MICAL3: variants seen among roughly 807,000 people sequenced by gnomAD.
MICAL3 encodes microtubule associated monooxygenase, calponin and LIM domain containing 3.
A neutral mutation model predicts 207.4 loss-of-function variants in MICAL3; 62 were observed. The ratio of observed to expected loss-of-function variants is 0.30; its 90% CI spans 0.24 to 0.37. The LOEUF (loss-of-function observed/expected upper bound fraction) is 0.37. MICAL3 is among the 10% of genes least tolerant of loss of function. MICAL3 has a pLI of 1.00. For synonymous variants in MICAL3, 1,077 were observed against 1,069.3 expected, an observed-to-expected ratio of 1.01 and a Z score of -0.14; for missense variants, 2,368 against 2,635.6, an observed-to-expected ratio of 0.90 and a Z score of 2.22.
chr22:17,816,481 C>T (rs527538872), intron 27 of MICAL3, among the ~76,000 whole-genome samples: 3 of 152,258 alleles, frequency 2.0e-5, no homozygotes, highest in Non-Finnish European at 4.4e-5. Context: ...GAAGCCCTTG[C>T]TGTGGATGCC....
At chr22:17,972,495 G>C (rs763258241) in intron 1 of MICAL3, among the ~76,000 whole-genome samples, 1 of 152,162 alleles carries the variant, frequency 6.6e-6, no homozygotes, top group South Asian at 2.1e-4. Flanking sequence ...AAGGCACATC[G>C]GGGAGGGGTA....
At chr22:17,798,759 C>T (rs911258537) in intron 29 of MICAL3, among the ~76,000 whole-genome samples, 5 of 150,382 alleles carry the variant, frequency 3.3e-5, no homozygotes, top group East Asian at 2.0e-4. Flanking sequence ...CTGCAAGCTC[C>T]GCCTCCCGGG....
chr22:17,887,538 G>A, intron 13 of MICAL3, 103 bp from the exon 14 acceptor site: 1 of 682,682 alleles, frequency 1.5e-6, no homozygotes, highest in Admixed American at 2.8e-5. Flanking sequence ...AGCCTCAGAA[G>A]GCTCTAAAGG....
rs771086163 is a variant in MICAL3, at chr22:17,817,622, C to G, written c.5039G>C (p.Gly1680Ala). 5.6e-6 allele frequency: 9 copies of G among 1,613,200 alleles called. No homozygotes were observed. Among genetic ancestry groups the G allele is most frequent in the African/African-American group, 1.3e-5 (1 of 75,046 alleles). Reference protein sequence around the residue: ...EEVLSPPSDSGGPDGSFTSSE... With the variant: ...EEVLSPPSDSAGPDGSFTSSE... ...TGAAGTGAAAGAGCCATCTGGGCCC[C>G]CTGAGTCCGACGGCGGGGAGAGGAC... The change falls in exon 26 of 32, where the codon GGG (glycine) becomes GCG (alanine). Residue 1680 changes from glycine (G) to alanine (A), a missense_variant. By Grantham distance (60) the Gly-to-Ala change is moderately conservative (BLOSUM62 0). Transcript: ENST00000441493.
At position 17,821,507 on chromosome 22, in the gene MICAL3, G is replaced by C; in HGVS notation, c.3451C>G (p.Pro1151Ala). ...CGGATGGGGCTGGTGGCTTGGGAGGGACCTGAAAAGAATGAACACAGGGAC... is the reference window on the plus strand; with the variant it reads ...CGGATGGGGCTGGTGGCTTGGGAGGCACCTGAAAAGAATGAACACAGGGAC... ...PASPKHQERG[P>A]SQATSPIRSP... is the part of the protein sequence containing the mutation. The change falls in exon 25 of 32, where the codon CCC becomes GCC. Residue 1151 changes from proline (P) to alanine (A), a missense_variant and splice_region_variant. Coordinates refer to ENST00000441493, the MANE Select transcript of MICAL3 (RefSeq NM_015241.3). The C allele has an allele frequency of 6.5e-7, 1 of 1,538,256 alleles. No individual in the cohort carries two copies. Among genetic ancestry groups the C allele is most frequent in the Non-Finnish European group, 8.7e-7 (1 of 1,143,222 alleles).
At chr22:17,838,645 CTTTG>C (rs1442636007) in intron 20 of MICAL3, among the ~76,000 whole-genome samples, 2 of 152,192 alleles carry the variant, frequency 1.3e-5, no homozygotes, top group East Asian at 3.8e-4. Context: ...CAAATCCAGG[CTTTG>C]TTTGACTCCA....
At chr22:18,022,436 T>G (rs1189695091) in intron 1 of MICAL3, among the ~76,000 whole-genome samples, 3 of 152,018 alleles carry the variant, frequency 2.0e-5, no homozygotes, top group Non-Finnish European at 4.4e-5. Flanking sequence ...CCACCCTTTT[T>G]TTTTTCTTTT....
rs564033410 is a variant in MICAL3 at position 17,894,613 on chromosome 22, A to G, written c.1449+671T>C. 1.8e-3 allele frequency among the ~76,000 whole-genome samples: 279 copies of G among 151,958 alleles called. 3 individuals carry two copies. Among genetic ancestry groups the G allele is most frequent in the East Asian group, 3.7e-3 (19 of 5,158 alleles). ...GGAGTTCAAGACCAGCCTGACCAAC[A>G]CAGTGAAACCCCATCTCTACTAAAA... On this transcript the variant is annotated intron_variant, in intron 10 of 31. Coordinates refer to ENST00000441493, the MANE Select transcript of MICAL3 (RefSeq NM_015241.3).
chr22:17,822,320 T>C, intron 23 of MICAL3, 150 bp from the exon 24 acceptor site: 1 of 1,037,226 alleles, frequency 9.6e-7, no homozygotes, highest in Non-Finnish European at 1.4e-6. Context: ...CAGACCTGCC[T>C]ACCAGACCAC....
At chr22:17,842,251 CTCCT>C in intron 19 of MICAL3, 1 of 571,184 alleles carries the variant, frequency 1.8e-6, no homozygotes. Flanking sequence ...AGCGTTCTCT[CTCCT>C]TCATCACCCT....
At chr22:17,836,261 A>T (rs971323538) in intron 20 of MICAL3, among the ~76,000 whole-genome samples, 1 of 152,218 alleles carries the variant, frequency 6.6e-6, no homozygotes, top group African/African-American at 2.4e-5. Context: ...TGATTGACGG[A>T]GGGCAGCCCT....
chr22:17,875,974 A>G (rs1174135238), intron 16 of MICAL3, among the ~76,000 whole-genome samples: 1 of 152,094 alleles, frequency 6.6e-6, no homozygotes, highest in African/African-American at 2.4e-5. Flanking sequence ...CCACCCTATC[A>G]CTCCATTGGC....
intron 1 of MICAL3, among the ~76,000 whole-genome samples, chr22:17,961,302 A>C (rs1207524820): frequency 6.6e-6 from 1 of 152,202 alleles, no homozygotes; most frequent in East Asian, 1.9e-4. Context: ...AATGAAAAAG[A>C]AGCTAACAAA....
intron 1 of MICAL3, among the ~76,000 whole-genome samples, chr22:17,977,560 A>C (rs1935712980): frequency 6.6e-6 from 1 of 152,010 alleles, no homozygotes; most frequent in African/African-American, 2.4e-5. Flanking sequence ...GACAGACAAT[A>C]ACAAGTGTTG....
intron 29 of MICAL3, chr22:17,791,556 G>A: frequency 1.8e-6 from 1 of 545,720 alleles, no homozygotes; most frequent in Non-Finnish European, 3.3e-6. Flanking sequence ...CCTCCCCGGG[G>A]CTGGTTTCTA....
chr22:17,956,401 T>C (rs571584542), intron 1 of MICAL3, among the ~76,000 whole-genome samples: 1 of 152,210 alleles, frequency 6.6e-6, no homozygotes, highest in East Asian at 1.9e-4. Flanking sequence ...CGGCCGGGCA[T>C]GGTGGCTCAC....
At chr22:17,970,948 G>T (rs536410562) in intron 1 of MICAL3, among the ~76,000 whole-genome samples, 2 of 152,142 alleles carry the variant, frequency 1.3e-5, no homozygotes, top group Admixed American at 6.5e-5. Flanking sequence ...TTGGGAGGTC[G>T]AAGTGGGCAG....
intron 1 of MICAL3, among the ~76,000 whole-genome samples, chr22:18,014,576 T>G (rs771502784): frequency 6.6e-6 from 1 of 152,228 alleles, no homozygotes; most frequent in Non-Finnish European, 1.5e-5. Flanking sequence ...TTACATACCC[T>G]TCTTTCCCCT....
At chr22:17,951,655 T>A (rs956070312) in intron 1 of MICAL3, among the ~76,000 whole-genome samples, 2 of 152,064 alleles carry the variant, frequency 1.3e-5, no homozygotes, top group African/African-American at 4.8e-5. Flanking sequence ...TAGAGAATTA[T>A]CTATTAACTA....
Sources: gnomAD v4.1 joint callset for allele counts (sites outside exome capture counted in the v4.1 genomes callset) on GRCh38, gnomAD v4.1.1 for gene constraint, MANE v1.5 for transcripts, NCBI Gene and HGNC (gene_info 2026-07-23, HGNC 2026-07-21) for gene names.